EYS: variants seen among roughly 807,000 people sequenced by gnomAD.
EYS encodes the protein protein eyes shut homolog.
Under a neutral mutation model 282.1 loss-of-function variants are expected in EYS, and 250 were observed. The ratio of observed to expected loss-of-function variants is 0.89; its 90% CI spans 0.80 to 0.98. The LOEUF (loss-of-function observed/expected upper bound fraction) is 0.98, where lower values mean the gene tolerates loss of function less well. EYS is among the 50% of genes least tolerant of loss of function. The pLI is 0.00. For missense variants in EYS, 4,016 were observed against 3,709.0 expected, an observed-to-expected ratio of 1.08 and a Z score of -2.15; for synonymous variants, 1,355 against 1,282.9, an observed-to-expected ratio of 1.06 and a Z score of -1.20.
rs548491172 is a variant in EYS at position 63,969,660 on chromosome 6, A to G, written c.7055+14723T>C. ...GATCAACGATAAATTAACTTGATAT[A>G]TTTGCAGTGGCCAATCCATGTCTGT... On this transcript the variant is annotated intron_variant, in intron 35 of 42. Transcript: ENST00000503581. Among the ~76,000 whole-genome samples the G allele has an allele frequency of 9.8e-5, 15 of 152,342 alleles. No individual in the cohort carries two copies. The East Asian group carries it at 2.7e-3, about 27-fold the overall frequency.
At chr6:64,970,047 A>G (rs1770235399) in intron 14 of EYS, among the ~76,000 whole-genome samples, 1 of 152,170 alleles carries the variant, frequency 6.6e-6, no homozygotes. Context: ...GGACACATAC[A>G]TTTATAAGCA....
chr6:65,194,344 A>G (rs1028633868), intron 12 of EYS, among the ~76,000 whole-genome samples: 1 of 151,986 alleles, frequency 6.6e-6, no homozygotes, highest in Non-Finnish European at 1.5e-5. Flanking sequence ...TATAAAATCA[A>G]CTTATAACTA....
At chr6:64,528,143 T>C (rs1356064061) in intron 26 of EYS, among the ~76,000 whole-genome samples, 1 of 151,886 alleles carries the variant, frequency 6.6e-6, no homozygotes, top group Non-Finnish European at 1.5e-5. Context: ...CTGGAATACA[T>C]TTTTCCAAAG....
At chr6:63,776,315 A>T (rs925475240) in intron 40 of EYS, among the ~76,000 whole-genome samples, 5 of 152,172 alleles carry the variant, frequency 3.3e-5, no homozygotes, top group African/African-American at 1.2e-4. Context: ...TACCTCATTA[A>T]AATTATTTGC....
intron 22 of EYS, among the ~76,000 whole-genome samples, chr6:64,665,014 GAA>G (rs1464768301): frequency 6.6e-6 from 1 of 152,072 alleles, no homozygotes; most frequent in Non-Finnish European, 1.5e-5. Context: ...GCACATGTGT[GAA>G]AAAAGAGTCA....
chr6:64,119,514 A>T (rs1424137281), intron 31 of EYS, among the ~76,000 whole-genome samples: 1 of 152,208 alleles, frequency 6.6e-6, no homozygotes, highest in Non-Finnish European at 1.5e-5. Flanking sequence ...ATTTGACTTC[A>T]TTTGCCAAAG....
intron 2 of EYS, among the ~76,000 whole-genome samples, chr6:65,592,113 T>C (rs1765253251): frequency 1.3e-5 from 2 of 152,036 alleles, no homozygotes; most frequent in African/African-American, 4.8e-5. Flanking sequence ...CTAATTTTGA[T>C]CATTTTTTCA....
At chr6:64,998,910 T>A (rs1771364019) in intron 13 of EYS, among the ~76,000 whole-genome samples, 1 of 152,212 alleles carries the variant, frequency 6.6e-6, no homozygotes, top group African/African-American at 2.4e-5. Context: ...TGATGCATAC[T>A]GACAAGTAAC....
At chr6:64,765,800 C>G (rs1329374494) in intron 22 of EYS, among the ~76,000 whole-genome samples, 2 of 152,004 alleles carry the variant, frequency 1.3e-5, no homozygotes, top group Non-Finnish European at 2.9e-5. Context: ...AATCTGCCCC[C>G]CATGATCCAA....
At chr6:64,000,644 T>A (rs1768052617) in intron 33 of EYS, among the ~76,000 whole-genome samples, 1 of 152,194 alleles carries the variant, frequency 6.6e-6, no homozygotes. Flanking sequence ...CTTTGTTGAC[T>A]TAGTTGAATG....
chr6:65,013,618 G>C (rs907364072), intron 13 of EYS, among the ~76,000 whole-genome samples: 1 of 152,162 alleles, frequency 6.6e-6, no homozygotes, highest in Non-Finnish European at 1.5e-5. Context: ...GCTCACAACT[G>C]TATTCCCAGG....
chr6:65,226,021 A>G (rs1030484708), intron 12 of EYS, among the ~76,000 whole-genome samples: 5 of 152,042 alleles, frequency 3.3e-5, no homozygotes, highest in Admixed American at 1.3e-4. Flanking sequence ...GAAGTTTAAG[A>G]CAGAAAACTA....
intron 26 of EYS, among the ~76,000 whole-genome samples, chr6:64,576,568 A>G (rs1422578217): frequency 6.6e-6 from 1 of 152,108 alleles, no homozygotes; most frequent in African/African-American, 2.4e-5. Context: ...AGGTCTTTAG[A>G]AGACTGAAGA....
chr6:63,941,394 T>C (rs1765234895), intron 35 of EYS, among the ~76,000 whole-genome samples: 1 of 152,196 alleles, frequency 6.6e-6, no homozygotes, highest in Non-Finnish European at 1.5e-5. Context: ...TGTGAGATGG[T>C]ATCTCATTAT....
intron 1 of EYS, among the ~76,000 whole-genome samples, chr6:65,695,423 A>C (rs2149847692): frequency 6.6e-6 from 1 of 152,212 alleles, no homozygotes; most frequent in Non-Finnish European, 1.5e-5. Flanking sequence ...AGGTGTTCTG[A>C]GAAATTCTAC....
intron 19 of EYS, among the ~76,000 whole-genome samples, chr6:64,863,068 A>T (rs531634683): frequency 6.6e-6 from 1 of 152,246 alleles, no homozygotes; most frequent in East Asian, 1.9e-4. Flanking sequence ...TCAAATGTTA[A>T]TTCCATTATT....
At chr6:64,407,115 G>T (rs938638524) in intron 28 of EYS, among the ~76,000 whole-genome samples, 6 of 152,186 alleles carry the variant, frequency 3.9e-5, no homozygotes, top group African/African-American at 1.4e-4. Context: ...ATACTATGCA[G>T]CCATAAAAAA....
intron 31 of EYS, among the ~76,000 whole-genome samples, chr6:64,121,796 G>T (rs983309906): frequency 3.9e-5 from 6 of 151,982 alleles, no homozygotes; most frequent in African/African-American, 1.5e-4. Flanking sequence ...TGCCTGAATT[G>T]CCATCTTTAT....
intron 29 of EYS, among the ~76,000 whole-genome samples, chr6:64,385,648 T>C (rs917213051): frequency 1.3e-5 from 2 of 152,214 alleles, no homozygotes; most frequent in Admixed American, 6.5e-5. Flanking sequence ...ATTATTATCA[T>C]CATCTTTCTG....
Sources: gnomAD v4.1 joint callset for allele counts (sites outside exome capture counted in the v4.1 genomes callset) on GRCh38, gnomAD v4.1.1 for gene constraint, MANE v1.5 for transcripts, NCBI Gene and HGNC (gene_info 2026-07-23, HGNC 2026-07-21) for gene names.